The following ABCC6 variants were observed in gnomAD, a reference collection of about 807,000 sequenced individuals.
ABCC6 encodes ATP-binding cassette sub-family C member 6.
Under a neutral mutation model 169.5 loss-of-function variants are expected in ABCC6, and 126 were observed. That is an observed-to-expected ratio of 0.74 (90% CI 0.64 to 0.86). ABCC6 has a LOEUF of 0.86. ABCC6 is among the 40% of genes least tolerant of loss of function. The probability of loss-of-function intolerance (pLI) is 0.00; values close to 1 mark genes in which losing one functional copy is unlikely to be tolerated. For missense variants in ABCC6, 1,733 were observed against 1,927.2 expected, an observed-to-expected ratio of 0.90 and a Z score of 1.89; for synonymous variants, 752 against 814.7, an observed-to-expected ratio of 0.92 and a Z score of 1.31.
At chr16:16,203,636 C>A in intron 7 of ABCC6, 23 bp from the exon 8 acceptor site, 1 of 1,613,234 alleles carries the variant, frequency 6.2e-7, no homozygotes, top group Non-Finnish European at 8.5e-7. Flanking sequence ...GAGAGATTAG[C>A]TCTGGGTCCC....
chr16:16,182,484 T>C lies in ABCC6; in HGVS notation c.2175A>G (p.Val725=). ...CTGGCTGCAGGGCACAGGCTTCTAG[T>C]ACTCTCTCCAGCCAGGGTGGGTCCA... The part of the protein sequence containing the change: ...QELDPPWLER[V]LEACALQPDV... Residue 725 remains valine, a synonymous_variant, in exon 17 of 31, where the codon GTA becomes GTG. Transcript: ENST00000205557. 6.2e-7 allele frequency: 1 copy of C among 1,614,178 alleles called. No homozygotes were observed. The highest frequency in any genetic ancestry group is 8.5e-7 in the Non-Finnish European group (1 of 1,180,040).
chr16:16,188,102 C>T (rs1393646155), intron 13 of ABCC6, among the ~76,000 whole-genome samples: 1 of 151,150 alleles, frequency 6.6e-6, no homozygotes, highest in African/African-American at 2.4e-5. Context: ...ATAAATAAGA[C>T]TGGGTGCAGT....
intron 23 of ABCC6, among the ~76,000 whole-genome samples, chr16:16,163,719 G>A (rs1209398266): frequency 6.6e-6 from 1 of 152,186 alleles, no homozygotes; most frequent in Non-Finnish European, 1.5e-5. Context: ...GCAGCTGCAG[G>A]TTGGGTGCAG....
At position 16,203,495 on chromosome 16, in the gene ABCC6, G is replaced by A. The variant is rs746625905; in HGVS notation, c.913C>T (p.Gln305Ter). ...AGGAGGAAGGTAGAATGGAACACCT[G>A]CCAGATGGCCTTCAGCAGTGGGCGC... The part of the protein sequence containing the change: ...QWRPLLKAIW[Q>*]VFHSTFLLGT... The change falls in exon 8 of 31, where the codon CAG (glutamine) becomes TAG (stop). Residue 305 changes from glutamine to a stop codon, truncating the protein, a stop_gained. Transcript: ENST00000205557. LOFTEE classifies it high-confidence loss of function. 8.1e-6 allele frequency: 13 copies of A among 1,613,998 alleles called. No individual in the cohort carries two copies. Among genetic ancestry groups the A allele is most frequent in the Non-Finnish European group, 1.1e-5 (13 of 1,179,880 alleles).
In ABCC6 at chr16:16,212,065, G is replaced by C. The variant is rs1400974498; in HGVS notation, c.662+120C>G. ...ACACGAAGAAGAAAGCACTGAGGCT[G>C]GGATGAAGAAAGACTTGCTGGCCTT... is the stretch of plus-strand genomic sequence containing the variant. On this transcript the variant is annotated intron_variant, in intron 6 of 30. Transcript: ENST00000205557. 1.6e-5 allele frequency: 12 copies of C among 749,666 alleles called. 1 individual carries two copies. Among genetic ancestry groups the C allele is most frequent in the Non-Finnish European group, 2.5e-5 (11 of 443,838 alleles). The allele number at this position is 749,666 out of a possible 1,614,324, so 46.4% of individuals were successfully genotyped here. A position where few individuals can be genotyped will look rare whatever the true frequency, so the allele number is the denominator to read the frequency against.
intron 29 of ABCC6, among the ~76,000 whole-genome samples, chr16:16,153,784 A>G (rs1255389146): frequency 6.6e-6 from 1 of 151,432 alleles, no homozygotes; most frequent in Non-Finnish European, 1.5e-5. Context: ...CACACCTGTA[A>G]CCCCAGCTAC....
rs560851859 is a variant in ABCC6, at chr16:16,201,943, G to A, written c.1176+58C>T. ...TCAGCTGCTGATAACATTACTGCCC[G>A]CTCAGTGATACTGCTTTTCCTGGCT... On this transcript the variant is annotated intron_variant, in intron 9 of 30. Coordinates refer to ENST00000205557, the MANE Select transcript of ABCC6 (RefSeq NM_001171.6). 244 of 1,604,290 alleles carry A rather than the reference G, an allele frequency of 1.5e-4. 1 individual carries two copies. Among genetic ancestry groups the A allele is most frequent in the Non-Finnish European group, 1.8e-4 (211 of 1,171,078 alleles).
rs754748834 is a variant in ABCC6, at chr16:16,150,261, A to C, written c.4404-20T>G. The C allele has an allele frequency of 1.1e-5, 17 of 1,613,632 alleles. No homozygotes were observed. In the Middle Eastern group the frequency reaches 4.9e-4, roughly 47 times the overall value. On this transcript the variant is annotated intron_variant, in intron 30 of 30. Transcript: ENST00000205557. Reference sequence around the variant, plus strand: ...AGAACCCTGTGGGGGAGAGGGAGACAGAGAGGCTCTTTGGACACCAGCCCA... The same window carrying C: ...AGAACCCTGTGGGGGAGAGGGAGACCGAGAGGCTCTTTGGACACCAGCCCA...
At chr16:16,209,544 G>A (rs116196212) in intron 6 of ABCC6, among the ~76,000 whole-genome samples, 5,419 of 151,968 alleles carry the variant, frequency 0.036, 113 homozygotes, top group African/African-American at 0.047. Context: ...TCAGAAGTCC[G>A]TTGACCAAAA....
chr16:16,160,289 G>T (rs893933794), intron 25 of ABCC6, among the ~76,000 whole-genome samples: 2 of 152,190 alleles, frequency 1.3e-5, no homozygotes, highest in African/African-American at 4.8e-5. Flanking sequence ...ACTGTAAAAT[G>T]AGGATAATAA....
chr16:16,219,314 T>A (rs2048995837), intron 4 of ABCC6, among the ~76,000 whole-genome samples: 1 of 152,178 alleles, frequency 6.6e-6, no homozygotes, highest in East Asian at 1.9e-4. Context: ...GTGCATCGTG[T>A]GCAAGTGGCA....
At chr16:16,216,538 T>C (rs577468116) in intron 4 of ABCC6, among the ~76,000 whole-genome samples, 2 of 152,172 alleles carry the variant, frequency 1.3e-5, no homozygotes, top group African/African-American at 2.4e-5. Context: ...GCATAGTACT[T>C]CATTGTGTAT....
At chr16:16,178,999 G>T in intron 17 of ABCC6, 34 bp from the exon 18 acceptor site, 1 of 1,606,260 alleles carries the variant, frequency 6.2e-7, no homozygotes. Flanking sequence ...GCCTGAGTCA[G>T]CATCTACAGG....
At chr16:16,209,815 C>T (rs1308625060) in intron 6 of ABCC6, among the ~76,000 whole-genome samples, 4 of 152,052 alleles carry the variant, frequency 2.6e-5, no homozygotes, top group African/African-American at 9.7e-5. Flanking sequence ...AGGCTGGTCT[C>T]GACCTACTGG....
intron 23 of ABCC6, among the ~76,000 whole-genome samples, chr16:16,163,421 C>T (rs1250720386): frequency 6.6e-6 from 1 of 152,128 alleles, no homozygotes; most frequent in Non-Finnish European, 1.5e-5. Flanking sequence ...ACCTCTAATG[C>T]CCCACCCCAG....
intron 7 of ABCC6, among the ~76,000 whole-genome samples, chr16:16,206,068 G>A (rs1455929114): frequency 6.6e-6 from 1 of 152,194 alleles, no homozygotes; most frequent in Non-Finnish European, 1.5e-5. Flanking sequence ...TCACTGGAAA[G>A]TTTTCTTTCT....
At position 16,190,415 on chromosome 16, in the gene ABCC6, C is replaced by T. The variant is rs7193932; in HGVS notation, c.1432-48G>A. ...AGATGAAGACAGGGACAGTTGAGAA[C>T]TCTTCCCTGCACCCTGACAGCCACC... On this transcript the variant is annotated intron_variant, in intron 11 of 30. Coordinates refer to ENST00000205557, the MANE Select transcript of ABCC6 (RefSeq NM_001171.6). The T allele has an allele frequency of 0.99, 1,593,493 of 1,607,802 alleles. 790,652 individuals carry two copies. Among genetic ancestry groups the T allele is most frequent in the East Asian group, 1 (44,806 of 44,806 alleles).
At chr16:16,164,838 T>C (rs1371122888) in intron 23 of ABCC6, among the ~76,000 whole-genome samples, 2 of 152,240 alleles carry the variant, frequency 1.3e-5, no homozygotes, top group East Asian at 3.8e-4. Context: ...CTGCTGGTCC[T>C]GGGGTCACAC....
intron 27 of ABCC6, chr16:16,155,331 C>T (rs1430104053): frequency 3.9e-6 from 2 of 516,498 alleles, no homozygotes; most frequent in Non-Finnish European, 6.9e-6. Flanking sequence ...TCTCCATCAT[C>T]TCTCATCCTT....
Sources: allele counts gnomAD v4.1 joint callset (sites outside exome capture counted in the v4.1 genomes callset), GRCh38; gene constraint gnomAD v4.1.1; transcripts MANE v1.5; gene names NCBI Gene and HGNC (gene_info 2026-07-23, HGNC 2026-07-21).